C6orf52: variants seen among roughly 807,000 people sequenced by gnomAD.
C6orf52 encodes chromosome 6 open reading frame 52, also known as putative uncharacterized protein C6orf52.
In C6orf52, 16 loss-of-function variants were observed where a neutral mutation model predicts 16.6. That is an observed-to-expected ratio of 0.96 (90% CI 0.65 to 1.46). C6orf52 has a LOEUF of 1.46. C6orf52 is among the 40% of genes most tolerant of loss of function. The pLI is 0.00. For synonymous variants in C6orf52, 53 were observed against 61.4 expected (o/e 0.86, Z 0.64); for missense variants, 166 against 182.3 (o/e 0.91, Z 0.52).
intron 4 of C6orf52, among the ~76,000 whole-genome samples, chr6:10,679,030 T>C (rs1768132972): frequency 1.3e-5 from 2 of 151,974 alleles, no homozygotes; most frequent in Admixed American, 6.6e-5. Context: ...GAGGCGGAGA[T>C]TGCAGTGAGC....
At chr6:10,679,157 C>T (rs1050628072) in intron 4 of C6orf52, among the ~76,000 whole-genome samples, 3 of 148,734 alleles carry the variant, frequency 2.0e-5, no homozygotes, top group East Asian at 2.0e-4. Flanking sequence ...TAGTTTATTG[C>T]GGCTGGGCAC....
At chr6:10,684,026 C>A (rs892072475) in intron 3 of C6orf52, among the ~76,000 whole-genome samples, 2 of 152,206 alleles carry the variant, frequency 1.3e-5, no homozygotes, top group Non-Finnish European at 2.9e-5. Flanking sequence ...GATCTACTAT[C>A]TTTTCTTTTC....
chr6:10,676,662 C>T (rs978741942), intron 4 of C6orf52, among the ~76,000 whole-genome samples: 3 of 152,224 alleles, frequency 2.0e-5, no homozygotes, highest in African/African-American at 7.2e-5. Context: ...GTAGACGTCA[C>T]ACCTGGTCTA....
intron 3 of C6orf52, chr6:10,684,742 A>AT (rs1768711637): frequency 1.6e-6 from 1 of 607,770 alleles, no homozygotes; most frequent in African/African-American, 1.9e-5. Flanking sequence ...GGCACAGCAC[A>AT]TTGGGGGAAG....
intron 4 of C6orf52, among the ~76,000 whole-genome samples, chr6:10,676,104 T>C (rs1306141017): frequency 6.6e-6 from 1 of 152,104 alleles, no homozygotes; most frequent in Non-Finnish European, 1.5e-5. Flanking sequence ...CGTTCCAGCC[T>C]AGACAACAGA....
intron 4 of C6orf52, among the ~76,000 whole-genome samples, chr6:10,676,112 AGAGT>A (rs1172712856): frequency 1.3e-5 from 2 of 152,174 alleles, no homozygotes; most frequent in Admixed American, 1.3e-4. Context: ...CCTAGACAAC[AGAGT>A]GAGACTCACT....
At chr6:10,683,464 A>G (rs76589134) in intron 3 of C6orf52, among the ~76,000 whole-genome samples, 4,115 of 152,326 alleles carry the variant, frequency 0.027, 176 homozygotes, top group African/African-American at 0.09. Context: ...ACAAAGAGGA[A>G]CAAGCCTAAC....
At chr6:10,673,790 G>A (rs1003321150) in intron 4 of C6orf52, among the ~76,000 whole-genome samples, 16 of 152,116 alleles carry the variant, frequency 1.1e-4, no homozygotes, top group African/African-American at 3.6e-4. Context: ...TCTGCTTGAA[G>A]GTAATGTCTG....
intron 4 of C6orf52, among the ~76,000 whole-genome samples, chr6:10,680,060 T>C (rs1308373412): frequency 3.3e-5 from 5 of 152,060 alleles, no homozygotes; most frequent in Admixed American, 6.6e-5. Context: ...CAAGACCAGC[T>C]TGGGCAACAT....
intron 1 of C6orf52, among the ~76,000 whole-genome samples, chr6:10,688,342 A>T (rs1285107617): frequency 6.6e-6 from 1 of 152,202 alleles, no homozygotes; most frequent in Non-Finnish European, 1.5e-5. Flanking sequence ...AGCTCCCGCC[A>T]CTTGAAGTAG....
chr6:10,690,363 G>A (rs948454237), intron 1 of C6orf52, among the ~76,000 whole-genome samples: 9 of 152,132 alleles, frequency 5.9e-5, no homozygotes, highest in African/African-American at 2.2e-4. Context: ...TTCAGGGCAC[G>A]TACAGCATTA....
chr6:10,678,521 G>A (rs1386913211), intron 4 of C6orf52, among the ~76,000 whole-genome samples: 1 of 152,200 alleles, frequency 6.6e-6, no homozygotes, highest in African/African-American at 2.4e-5. Context: ...TTTTTTGGCA[G>A]AGTCTGTAGG....
intron 4 of C6orf52, among the ~76,000 whole-genome samples, chr6:10,677,456 CTTT>C (rs572571864): frequency 7.4e-6 from 1 of 134,470 alleles, no homozygotes; most frequent in Non-Finnish European, 1.6e-5. Flanking sequence ...TGCCTTCACC[CTTT>C]TTTTTTTTTG....
intron 4 of C6orf52, among the ~76,000 whole-genome samples, chr6:10,672,279 T>C (rs2127458152): frequency 6.6e-6 from 1 of 152,318 alleles, no homozygotes; most frequent in South Asian, 2.1e-4. Flanking sequence ...ATGTTTTCCT[T>C]TGTAATTTTT....
chr6:10,688,700 A>C (rs527899573), intron 1 of C6orf52, among the ~76,000 whole-genome samples: 1 of 152,356 alleles, frequency 6.6e-6, no homozygotes, highest in East Asian at 1.9e-4. Flanking sequence ...TGGATTACTT[A>C]TAATACCTAA....
chr6:10,687,382 T>G (rs1405227226), intron 2 of C6orf52, 98 bp downstream of exon 2: 2 of 1,009,106 alleles, frequency 2.0e-6, no homozygotes, highest in African/African-American at 3.5e-5. Flanking sequence ...CCCCAGAACT[T>G]TAAAAAAAAA....
intron 3 of C6orf52, among the ~76,000 whole-genome samples, chr6:10,685,325 C>A (rs1768783602): frequency 6.9e-6 from 1 of 145,176 alleles, no homozygotes. Context: ...CAATATCAAA[C>A]ATCTGTTAAA....
intron 1 of C6orf52, among the ~76,000 whole-genome samples, chr6:10,693,348 G>A (rs1769526671): frequency 6.6e-6 from 1 of 152,214 alleles, no homozygotes; most frequent in Non-Finnish European, 1.5e-5. Flanking sequence ...GAGATCTTTT[G>A]TCTCCATGCT....
intron 3 of C6orf52, among the ~76,000 whole-genome samples, chr6:10,686,590 A>G (rs1037176699): frequency 3.9e-5 from 6 of 152,198 alleles, no homozygotes; most frequent in Non-Finnish European, 8.8e-5. Context: ...AGTGTTAAAG[A>G]GTAAAATTTA....
Sources: gnomAD v4.1 joint callset for allele counts (sites outside exome capture counted in the v4.1 genomes callset) on GRCh38, gnomAD v4.1.1 for gene constraint, MANE v1.5 for transcripts, NCBI Gene and HGNC (gene_info 2026-07-23, HGNC 2026-07-21) for gene names.